The following TMEM236 variants were observed in gnomAD, a reference collection of about 807,000 sequenced individuals.
The protein encoded by TMEM236 is transmembrane protein 236, also known as family with sequence similarity 23, member A.
In TMEM236, 11 loss-of-function variants were observed where a neutral mutation model predicts 14.7. That is an observed-to-expected ratio of 0.75 (90% CI 0.47 to 1.24). TMEM236 has a LOEUF of 1.24. Among genes scored for constraint, TMEM236 ranks in the 50% most tolerant of loss-of-function variants. TMEM236 has a pLI of 0.00. For synonymous variants in TMEM236, 182 were observed against 168.6 expected (o/e 1.08, Z -0.62); for missense variants, 464 against 427.3 (o/e 1.09, Z -0.76).
intron 2 of TMEM236, among the ~76,000 whole-genome samples, chr10:17,773,396 C>T (rs562845592): frequency 1.3e-5 from 2 of 152,046 alleles, no homozygotes; most frequent in Non-Finnish European, 2.9e-5. Context: ...TGCAGTGGTG[C>T]GTGTGATCTT....
chr10:17,762,754 A>G (rs572107327), intron 1 of TMEM236, among the ~76,000 whole-genome samples: 3 of 151,182 alleles, frequency 2.0e-5, no homozygotes, highest in Admixed American at 1.3e-4. Flanking sequence ...TCCAGCCTCA[A>G]CTTCCCAGGC....
At chr10:17,783,608 G>A (rs1837789316) in intron 3 of TMEM236, among the ~76,000 whole-genome samples, 1 of 152,198 alleles carries the variant, frequency 6.6e-6, no homozygotes, top group African/African-American at 2.4e-5. Flanking sequence ...TAGGTCAAAT[G>A]TTCAGATGCA....
intron 2 of TMEM236, among the ~76,000 whole-genome samples, chr10:17,773,941 T>C (rs1488053180): frequency 6.6e-6 from 1 of 152,242 alleles, no homozygotes; most frequent in African/African-American, 2.4e-5. Flanking sequence ...CTTTCCTTTA[T>C]GGATAGTGCT....
chr10:17,755,297 G>C (rs1837270072), intron 1 of TMEM236, among the ~76,000 whole-genome samples: 1 of 152,050 alleles, frequency 6.6e-6, no homozygotes, highest in Non-Finnish European at 1.5e-5. Flanking sequence ...TGTGAAAAGT[G>C]AGGCACTGGG....
chr10:17,767,369 G>A (rs1417276078), intron 1 of TMEM236, among the ~76,000 whole-genome samples: 4 of 152,180 alleles, frequency 2.6e-5, no homozygotes, highest in Non-Finnish European at 5.9e-5. Context: ...GCCGAGGCAG[G>A]AGAATCACTT....
intron 1 of TMEM236, among the ~76,000 whole-genome samples, chr10:17,757,378 G>A (rs1418096911): frequency 1.3e-5 from 2 of 152,026 alleles, no homozygotes; most frequent in Non-Finnish European, 2.9e-5. Context: ...TGTGAGGATC[G>A]CTTGAGCACA....
chr10:17,760,322 T>A (rs988654759), intron 1 of TMEM236, among the ~76,000 whole-genome samples: 1 of 151,290 alleles, frequency 6.6e-6, no homozygotes, highest in Admixed American at 6.6e-5. Context: ...TTGTCCTTGA[T>A]CTCTTTTTCT....
chr10:17,791,291 TA>T (rs561313552), intron 3 of TMEM236, among the ~76,000 whole-genome samples: 85,286 of 142,454 alleles, frequency 0.6, 25,065 homozygotes, highest in Middle Eastern at 0.72. Context: ...CTATAAAAAG[TA>T]AAAAAAAAAA....
At chr10:17,771,486 T>C (rs1837571380) in intron 2 of TMEM236, 105 bp downstream of exon 2, 3 of 1,064,632 alleles carry the variant, frequency 2.8e-6, no homozygotes, top group East Asian at 2.4e-5. Context: ...TTGACATCTA[T>C]GTAATCCAAT....
Position 17,753,037 on chromosome 10 carries a change from C to T in TMEM236, c.257+485C>T, listed in dbSNP as rs1046978304. The stretch of plus-strand genomic sequence containing the variant: ...GGGTTTGTTGTACAGATTATTTCAC[C>T]GGCATGCACCACCATGCCCAGCTAA... On this transcript the variant is annotated intron_variant, in intron 1 of 3. Transcript: ENST00000377495. Among the ~76,000 whole-genome samples the T allele has an allele frequency of 7.2e-5, 11 of 151,818 alleles. No individual in the cohort carries two copies. The East Asian group carries it at 7.7e-4, about 11-fold the overall frequency.
At chr10:17,759,637 TTGTC>T (rs1319637086) in intron 1 of TMEM236, among the ~76,000 whole-genome samples, 4 of 152,104 alleles carry the variant, frequency 2.6e-5, no homozygotes, top group African/African-American at 9.7e-5. Flanking sequence ...TTTAAACACA[TTGTC>T]TGTATTATTT....
At chr10:17,789,758 C>A (rs983674178) in intron 3 of TMEM236, among the ~76,000 whole-genome samples, 4 of 152,040 alleles carry the variant, frequency 2.6e-5, no homozygotes, top group Admixed American at 6.6e-5. Flanking sequence ...CACGGTGGCT[C>A]ACGCCTGTAA....
In TMEM236 at chr10:17,762,574, CATATATATATATAT is replaced by C. The variant is rs878958449; in HGVS notation, c.258-8703_258-8690del. Among the ~76,000 whole-genome samples, 492 of 53,054 alleles carry C rather than the reference CATATATATATATAT, an allele frequency of 9.3e-3. 7 individuals are homozygous for C. The highest frequency in any genetic ancestry group is 0.024 in the Admixed American group (95 of 3,960). 34.8% of individuals were successfully genotyped at this position (53,054 alleles called of 152,430 possible). On this transcript the variant is annotated intron_variant, in intron 1 of 3. Coordinates refer to ENST00000377495, the MANE Select transcript of TMEM236 (RefSeq NM_001098844.3). ...GGTATATATTTACCTATCTGAATTT[CATATATATATATAT>C]ATATATATATATATATATATATATA...
rs1589136271 is a variant in TMEM236 at position 17,752,381 on chromosome 10, AAC to A, written c.88_89del (p.Gln30ValfsTer11). On this transcript the variant is annotated frameshift_variant, in exon 1 of 4. Coordinates refer to ENST00000377495, the MANE Select transcript of TMEM236 (RefSeq NM_001098844.3). LOFTEE classifies it high-confidence loss of function. ...TCCATCCCCACACTCGTGATCACAG[AAC>A]AGTTTGCCACCGCCTACCAAGGAAC... 1 of 1,613,842 alleles carries A rather than the reference AAC, an allele frequency of 6.2e-7. No homozygotes were observed. The highest frequency in any genetic ancestry group is 8.5e-7 in the Non-Finnish European group (1 of 1,179,848).
intron 1 of TMEM236, among the ~76,000 whole-genome samples, chr10:17,766,099 C>T (rs1010479865): frequency 2.2e-4 from 33 of 152,160 alleles, no homozygotes; most frequent in African/African-American, 8.0e-4. Flanking sequence ...ATATGGATAG[C>T]CTGAGAATTT....
Position 17,776,170 on chromosome 10 carries a change from AG to A in TMEM236, c.472+1del. 6.2e-7 allele frequency: 1 copy of A among 1,611,396 alleles called. No homozygotes were observed. On this transcript the variant is annotated splice_donor_variant, in intron 3 of 3. Coordinates refer to ENST00000377495, the MANE Select transcript of TMEM236 (RefSeq NM_001098844.3). LOFTEE classifies it high-confidence loss of function. Reference sequence around the variant, plus strand: ...ATATCCTCTTAGAGGGAGTCAAAAGAGTAAGTGTTCTTTTAAATGTGAATAT... The same window carrying A: ...ATATCCTCTTAGAGGGAGTCAAAAGATAAGTGTTCTTTTAAATGTGAATAT...
At chr10:17,753,388 C>G (rs1303167624) in intron 1 of TMEM236, among the ~76,000 whole-genome samples, 1 of 152,092 alleles carries the variant, frequency 6.6e-6, no homozygotes, top group Non-Finnish European at 1.5e-5. Context: ...TTTCCTGATC[C>G]TCTCCCTCCC....
chr10:17,774,714 C>T (rs1837630213), intron 2 of TMEM236, among the ~76,000 whole-genome samples: 1 of 152,066 alleles, frequency 6.6e-6, no homozygotes, highest in African/African-American at 2.4e-5. Context: ...TGTCCTTTTC[C>T]ACAAAAAGTT....
intron 2 of TMEM236, among the ~76,000 whole-genome samples, chr10:17,771,658 T>C (rs1554834850): frequency 6.6e-6 from 1 of 152,354 alleles, no homozygotes; most frequent in Middle Eastern, 3.4e-3. Context: ...AATGTGAAAG[T>C]TGATCTATAT....
Sources: allele counts gnomAD v4.1 joint callset (sites outside exome capture counted in the v4.1 genomes callset), GRCh38; gene constraint gnomAD v4.1.1; transcripts MANE v1.5; gene names NCBI Gene and HGNC (gene_info 2026-07-23, HGNC 2026-07-21).